NRXN3: variants seen among roughly 807,000 people sequenced by gnomAD.
NRXN3 encodes neurexin III.
In NRXN3, 32 loss-of-function variants were observed where a neutral mutation model predicts 137.6. The observed-to-expected ratio is 0.23, with a 90% CI of 0.18 to 0.31. The LOEUF is 0.31. NRXN3 is among the 10% of genes least tolerant of loss of function. The pLI is 1.00. For synonymous variants in NRXN3, 798 were observed against 784.5 expected, an observed-to-expected ratio of 1.02 and a Z score of -0.29; for missense variants, 1,574 against 2,062.5, an observed-to-expected ratio of 0.76 and a Z score of 4.59.
At chr14:79,266,455 A>G (rs181986508) in intron 15 of NRXN3, among the ~76,000 whole-genome samples, 15 of 152,258 alleles carry the variant, frequency 9.9e-5, no homozygotes, top group Non-Finnish European at 4.4e-5. Context: ...GTTATTGATC[A>G]TATCAGACTT....
intron 8 of NRXN3, among the ~76,000 whole-genome samples, chr14:78,723,236 A>G (rs368079771): frequency 6.6e-6 from 1 of 152,250 alleles, no homozygotes; most frequent in Admixed American, 6.5e-5. Context: ...ACAGGTCAGC[A>G]TATAATAGTC....
At chr14:79,572,024 T>G (rs2153798764) in intron 16 of NRXN3, among the ~76,000 whole-genome samples, 1 of 152,322 alleles carries the variant, frequency 6.6e-6, no homozygotes, top group African/African-American at 2.4e-5. Flanking sequence ...TTTTGAGTAT[T>G]GATTGTTGAG....
intron 15 of NRXN3, among the ~76,000 whole-genome samples, chr14:79,217,457 TC>T (rs1269726552): frequency 6.6e-6 from 1 of 152,040 alleles, no homozygotes; most frequent in Non-Finnish European, 1.5e-5. Flanking sequence ...AGGCCCCATC[TC>T]CAACATAATG....
At chr14:79,203,180 C>G (rs529822378) in intron 15 of NRXN3, among the ~76,000 whole-genome samples, 37 of 152,142 alleles carry the variant, frequency 2.4e-4, no homozygotes, top group Non-Finnish European at 4.0e-4. Flanking sequence ...ACAGAGCAGA[C>G]TCTGGATCTG....
intron 4 of NRXN3, among the ~76,000 whole-genome samples, chr14:78,369,797 A>G (rs1451078399): frequency 1.3e-5 from 2 of 152,152 alleles, no homozygotes; most frequent in Admixed American, 6.5e-5. Flanking sequence ...TAATGATGTA[A>G]TGAGACTGGG....
chr14:79,720,246 G>C (rs965472573), intron 19 of NRXN3, among the ~76,000 whole-genome samples: 4 of 152,072 alleles, frequency 2.6e-5, no homozygotes, highest in African/African-American at 9.7e-5. Context: ...CAGATCTCTT[G>C]AGACTTATTC....
intron 8 of NRXN3, among the ~76,000 whole-genome samples, chr14:78,794,389 C>T (rs191704334): frequency 1.3e-5 from 2 of 151,804 alleles, no homozygotes; most frequent in Admixed American, 1.3e-4. Context: ...GACTCTGTTT[C>T]AAAAAACAAA....
At chr14:79,526,048 A>T (rs564773473) in intron 16 of NRXN3, among the ~76,000 whole-genome samples, 3 of 151,034 alleles carry the variant, frequency 2.0e-5, no homozygotes, top group South Asian at 2.1e-4. Flanking sequence ...TACCCACCTA[A>T]TTTTTTTTCT....
chr14:78,826,719 C>T (rs1194322416), intron 10 of NRXN3, among the ~76,000 whole-genome samples: 1 of 152,108 alleles, frequency 6.6e-6, no homozygotes, highest in Admixed American at 6.6e-5. Context: ...ACATACTATG[C>T]CTATTATACA....
At chr14:78,860,670 A>G (rs992386344) in intron 10 of NRXN3, among the ~76,000 whole-genome samples, 3 of 152,192 alleles carry the variant, frequency 2.0e-5, no homozygotes, top group African/African-American at 7.2e-5. Context: ...AGAAAATGTT[A>G]TTAAGAAAAT....
intron 15 of NRXN3, among the ~76,000 whole-genome samples, chr14:79,275,736 G>T (rs77374624): frequency 0.03 from 4,615 of 151,616 alleles, 166 homozygotes; most frequent in African/African-American, 0.081. Context: ...GAGGATGGGG[G>T]GGGGGACATT....
intron 16 of NRXN3, among the ~76,000 whole-genome samples, chr14:79,596,723 G>A (rs1228368485): frequency 6.6e-6 from 1 of 152,076 alleles, no homozygotes; most frequent in Non-Finnish European, 1.5e-5. Flanking sequence ...TCCTGGGGCT[G>A]ACCTGTCTCT....
intron 4 of NRXN3, among the ~76,000 whole-genome samples, chr14:78,385,306 C>T (rs957495816): frequency 6.8e-6 from 1 of 147,796 alleles, no homozygotes; most frequent in Non-Finnish European, 1.5e-5. Context: ...CACACACACA[C>T]ACACACACAC....
chr14:79,543,532 A>G (rs1304925463), intron 16 of NRXN3, among the ~76,000 whole-genome samples: 2 of 152,146 alleles, frequency 1.3e-5, no homozygotes, highest in African/African-American at 2.4e-5. Context: ...CTCCTTGGGT[A>G]TCAGGGTGAT....
rs2062149719 is a variant in NRXN3 at position 79,174,872 on chromosome 14, C to T, written c.3262+186731C>T. Reference sequence around the variant, plus strand: ...GCAGGTTATTAATCTGGGTGGCCAGCGCTTGGAGAGAGGAAGGGGAGCAAT... The same window carrying T: ...GCAGGTTATTAATCTGGGTGGCCAGTGCTTGGAGAGAGGAAGGGGAGCAAT... On this transcript the variant is annotated intron_variant, in intron 15 of 20. Transcript: ENST00000335750. 4.0e-5 allele frequency among the ~76,000 whole-genome samples: 6 copies of T among 151,068 alleles called. 1 individual carries two copies. In the South Asian group the frequency reaches 1.1e-3, roughly 26 times the overall value.
chr14:79,189,629 G>A (rs576936685), intron 15 of NRXN3, among the ~76,000 whole-genome samples: 2 of 152,100 alleles, frequency 1.3e-5, no homozygotes, highest in South Asian at 2.1e-4. Flanking sequence ...GTCTAGAGAC[G>A]AATATGGCTT....
intron 15 of NRXN3, among the ~76,000 whole-genome samples, chr14:79,104,504 C>A (rs1057331820): frequency 3.3e-5 from 5 of 152,178 alleles, no homozygotes; most frequent in Admixed American, 3.3e-4. Flanking sequence ...GTCTTTCTTT[C>A]TAACTTCTTG....
chr14:79,148,775 C>T (rs2059535472), intron 15 of NRXN3, among the ~76,000 whole-genome samples: 1 of 152,128 alleles, frequency 6.6e-6, no homozygotes, highest in South Asian at 2.1e-4. Context: ...CTGGCCCCTT[C>T]CACATATAAC....
intron 4 of NRXN3, among the ~76,000 whole-genome samples, chr14:78,328,666 C>G (rs997580138): frequency 2.6e-5 from 4 of 152,192 alleles, no homozygotes; most frequent in Non-Finnish European, 4.4e-5. Context: ...CCACACCAGT[C>G]CTTCTTGATA....
Sources: gnomAD v4.1 joint callset for allele counts (sites outside exome capture counted in the v4.1 genomes callset) on GRCh38, gnomAD v4.1.1 for gene constraint, MANE v1.5 for transcripts, NCBI Gene and HGNC (gene_info 2026-07-23, HGNC 2026-07-21) for gene names.